Variants in NHLRC2 observed in about 807,000 individuals in gnomAD.
NHLRC2 encodes the protein NHL repeat-containing protein 2.
A neutral mutation model predicts 68.1 loss-of-function variants in NHLRC2; 33 were observed. The observed-to-expected ratio is 0.48, with a 90% CI of 0.37 to 0.65. The LOEUF (loss-of-function observed/expected upper bound fraction) is 0.65, where lower values mean the gene tolerates loss of function less well. Ranked by LOEUF, NHLRC2 falls within the 30% of genes least tolerant of loss-of-function variation. The pLI is 0.00. For synonymous variants in NHLRC2, 311 were observed against 309.6 expected, an observed-to-expected ratio of 1.00 and a Z score of -0.05; for missense variants, 761 against 853.8, an observed-to-expected ratio of 0.89 and a Z score of 1.35.
Position 113,895,640 on chromosome 10 carries a change from G to C in NHLRC2, c.1040-2470G>C, listed in dbSNP as rs192876396. The stretch of plus-strand genomic sequence containing the variant: ...CATGATGCCTGGCACCATGTTAGGT[G>C]CTTTGCTTACACTGTTTTATTCCTT... On this transcript the variant is annotated intron_variant, in intron 5 of 10. Transcript: ENST00000369301. Among the ~76,000 whole-genome samples the C allele has an allele frequency of 1.5e-4, 23 of 152,212 alleles. No individual in the cohort carries two copies. In the East Asian group the frequency reaches 2.3e-3, roughly 15 times the overall value.
rs544199933 is a variant in NHLRC2 at position 113,882,597 on chromosome 10, T to TC, written c.910-1654_910-1653insC. 1.8e-3 allele frequency among the ~76,000 whole-genome samples: 271 copies of TC among 151,944 alleles called. 2 individuals are homozygous for TC. The highest frequency in any genetic ancestry group is 0.016 in the Admixed American group (244 of 15,258). On this transcript the variant is annotated intron_variant, in intron 4 of 10. Transcript: ENST00000369301. The stretch of plus-strand genomic sequence containing the variant: ...TTTGTATATTCTAGGTACAAGTTCT[T>TC]TATCAGATATATGATTTACAAATGA...
intron 2 of NHLRC2, among the ~76,000 whole-genome samples, chr10:113,872,822 G>C (rs1281615366): frequency 1.3e-5 from 2 of 149,488 alleles, no homozygotes; most frequent in Non-Finnish European, 3.0e-5. Context: ...AAAACAGGCA[G>C]AGGAGGTCCA....
At chr10:113,886,620 A>T (rs1846085185) in intron 5 of NHLRC2, among the ~76,000 whole-genome samples, 1 of 152,256 alleles carries the variant, frequency 6.6e-6, no homozygotes, top group African/African-American at 2.4e-5. Flanking sequence ...AGTGCCAAGA[A>T]CACACAATGA....
intron 5 of NHLRC2, among the ~76,000 whole-genome samples, chr10:113,890,134 T>TA (rs900664234): frequency 2.6e-5 from 4 of 152,228 alleles, no homozygotes; most frequent in African/African-American, 9.6e-5. Context: ...GCTGTTTTCT[T>TA]AAAGTCCCAA....
rs1846260561 is a variant in NHLRC2 at position 113,904,820 on chromosome 10, C to T, written c.1708C>T (p.Pro570Ser). The T allele has an allele frequency of 6.2e-7, 1 of 1,610,236 alleles. No individual in the cohort carries two copies. Among genetic ancestry groups the T allele is most frequent in the East Asian group, 2.2e-5 (1 of 44,828 alleles). Reference sequence around the variant, plus strand: ...AACAGATTTTCTTATTTCCTAGCTCCCCATCTTCAGATCTGAAAATGCTGT... The same window carrying T: ...AACAGATTTTCTTATTTCCTAGCTCTCCATCTTCAGATCTGAAAATGCTGT... ...DLETKMVSVL[P>S]IFRSENAVVD... Residue 570 changes from proline to serine, a missense_variant, in exon 10 of 11, where the codon CCC becomes TCC. Pro to Ser is a moderately conservative substitution (Grantham distance 74). Coordinates refer to ENST00000369301, the MANE Select transcript of NHLRC2 (RefSeq NM_198514.4).
intron 1 of NHLRC2, among the ~76,000 whole-genome samples, chr10:113,856,145 C>T (rs2134682177): frequency 6.6e-6 from 1 of 152,290 alleles, no homozygotes; most frequent in Non-Finnish European, 1.5e-5. Context: ...CAGATATTCC[C>T]GGCAGGGATG....
chr10:113,885,098 G>A lies in NHLRC2; in HGVS notation c.1039+718G>A, dbSNP rs150031472. Among the ~76,000 whole-genome samples the A allele has an allele frequency of 2.4e-3, 359 of 151,890 alleles. 1 individual carries two copies. The highest frequency in any genetic ancestry group is 7.9e-3 in the African/African-American group (326 of 41,504). ...AATGTAATTTTGGACTAAATGGTTG[G>A]TGTTGTCTTCATATATTTAAAGAGT... is the stretch of plus-strand genomic sequence containing the variant. On this transcript the variant is annotated intron_variant, in intron 5 of 10. Coordinates refer to ENST00000369301, the MANE Select transcript of NHLRC2 (RefSeq NM_198514.4).
intron 5 of NHLRC2, among the ~76,000 whole-genome samples, chr10:113,895,059 A>G (rs897026788): frequency 1.3e-5 from 2 of 152,214 alleles, no homozygotes; most frequent in Admixed American, 6.5e-5. Flanking sequence ...ATTACCCATC[A>G]AATATCCACA....
intron 2 of NHLRC2, among the ~76,000 whole-genome samples, chr10:113,869,705 C>T (rs1178648705): frequency 1.3e-5 from 2 of 152,050 alleles, no homozygotes; most frequent in African/African-American, 4.8e-5. Flanking sequence ...ATGTGTGATA[C>T]ATGATAACAT....
At position 113,903,665 on chromosome 10, in the gene NHLRC2, T is replaced by C; in HGVS notation, c.1633T>C (p.Leu545=). Residue 545 remains leucine, a synonymous_variant, in exon 9 of 11, where the codon TTA becomes CTA. Coordinates refer to ENST00000369301, the MANE Select transcript of NHLRC2 (RefSeq NM_198514.4). ...CTTGTGTATTGGAGAGAATGGAGAA[T>C]TATTATATGTAGCAGACACCAATAA... ...GGLCIGENGE[L]LYVADTNNHQ... 1.9e-6 allele frequency: 3 copies of C among 1,605,148 alleles called. No individual in the cohort carries two copies. Among genetic ancestry groups the C allele is most frequent in the Non-Finnish European group, 2.6e-6 (3 of 1,171,942 alleles).
chr10:113,887,996 A>G (rs573294362), intron 5 of NHLRC2, among the ~76,000 whole-genome samples: 3 of 152,204 alleles, frequency 2.0e-5, no homozygotes, highest in African/African-American at 7.2e-5. Flanking sequence ...TTGGGAGGCT[A>G]AGGTGAGAGG....
chr10:113,898,302 G>T, intron 6 of NHLRC2, 93 bp downstream of exon 6: 1 of 759,152 alleles, frequency 1.3e-6, no homozygotes. Context: ...GTACCAGTCA[G>T]GATGTGCTAG....
chr10:113,875,215 A>G (rs1041155029), intron 2 of NHLRC2, among the ~76,000 whole-genome samples: 1 of 150,736 alleles, frequency 6.6e-6, no homozygotes, highest in African/African-American at 2.4e-5. Flanking sequence ...GTAGGCATCA[A>G]CCCTCTTAAT....
Position 113,916,228 on chromosome 10 carries a change from G to A in NHLRC2, c.*7692G>A, listed in dbSNP as rs377362060. On this transcript the variant is annotated 3_prime_UTR_variant, in exon 11 of 11. Coordinates refer to ENST00000369301, the MANE Select transcript of NHLRC2 (RefSeq NM_198514.4). Reference sequence around the variant, plus strand: ...GTTTTTGTTTGTATAGAGTTGGAATGTATTGTTCGTGCATGCCTGTGATAT... The same window carrying A: ...GTTTTTGTTTGTATAGAGTTGGAATATATTGTTCGTGCATGCCTGTGATAT... 63 of 152,274 alleles carry A rather than the reference G, an allele frequency of 4.1e-4. No individual in the cohort carries two copies. The highest frequency in any genetic ancestry group is 1.5e-3 in the African/African-American group (62 of 41,544). The allele number at this position is 152,274 out of a possible 1,614,324, so 9.4% of individuals were successfully genotyped here.
At chr10:113,860,579 A>G (rs534067068) in intron 2 of NHLRC2, among the ~76,000 whole-genome samples, 32 of 152,278 alleles carry the variant, frequency 2.1e-4, no homozygotes, top group African/African-American at 7.7e-4. Flanking sequence ...ACCGATAGAA[A>G]TTGTCTCTAA....
chr10:113,865,447 A>C (rs1460154370), intron 2 of NHLRC2, among the ~76,000 whole-genome samples: 1 of 151,962 alleles, frequency 6.6e-6, no homozygotes, highest in African/African-American at 2.4e-5. Flanking sequence ...TTTCTTTTTT[A>C]GATTACCGTA....
Position 113,876,803 on chromosome 10 carries a change from G to C in NHLRC2, c.614G>C (p.Arg205Thr). 6.2e-7 allele frequency: 1 copy of C among 1,612,664 alleles called. No individual in the cohort carries two copies. The highest frequency in any genetic ancestry group is 2.2e-5 in the East Asian group (1 of 44,852). Residue 205 changes from arginine (R) to threonine (T), a missense_variant, in exon 3 of 11, where the codon AGA becomes ACA. By Grantham distance (71) the Arg-to-Thr change is moderately conservative. Transcript: ENST00000369301. ...TATTACAAAGACAGGGGGCAGATCA[G>C]AGATAATAAAATTGGAATAAAACTC... ...LKYYKDRGQI[R>T]DNKIGIKLYK...
intron 2 of NHLRC2, among the ~76,000 whole-genome samples, chr10:113,868,486 T>C (rs990196982): frequency 2.6e-5 from 4 of 152,196 alleles, no homozygotes; most frequent in African/African-American, 9.6e-5. Flanking sequence ...TTGGCAATTG[T>C]GTTTGTACGT....
intron 2 of NHLRC2, among the ~76,000 whole-genome samples, chr10:113,874,789 G>T (rs1198303936): frequency 2.0e-5 from 3 of 151,260 alleles, no homozygotes; most frequent in Non-Finnish European, 4.4e-5. Flanking sequence ...ATTAATTTCT[G>T]TTGAGCTGTC....
Sources: allele counts gnomAD v4.1 joint callset (sites outside exome capture counted in the v4.1 genomes callset), GRCh38; gene constraint gnomAD v4.1.1; transcripts MANE v1.5; gene names NCBI Gene and HGNC (gene_info 2026-07-23, HGNC 2026-07-21).